The following PTGES variants were observed in gnomAD, a reference collection of about 807,000 sequenced individuals.
PTGES encodes the protein prostaglandin E synthase, also known as MGST1-like 1.
PTGES carries 3 observed loss-of-function variants against 11.8 expected under a neutral mutation model. That is an observed-to-expected ratio of 0.25 (90% confidence interval 0.12 to 0.66). The LOEUF (loss-of-function observed/expected upper bound fraction) is 0.66, where lower values mean the gene tolerates loss of function less well. Ranked by LOEUF, PTGES falls within the 30% of genes least tolerant of loss-of-function variation. The probability of loss-of-function intolerance (pLI) is 0.82; values close to 1 mark genes in which losing one functional copy is unlikely to be tolerated. For synonymous variants in PTGES, 94 were observed against 90.4 expected (o/e 1.04, Z -0.22); for missense variants, 180 against 213.0 (o/e 0.85, Z 0.96).
At position 129,739,954 on chromosome 9, in the gene PTGES, C is replaced by T; in HGVS notation, c.210-94G>A. ...CATGGAAGCTGGGGGTGCTTTGACC[C>T]ACTGGGGGTCATTTCAGGCATATCA... On this transcript the variant is annotated intron_variant, in intron 2 of 2. Transcript: ENST00000340607. This position sits in a 1 kb window ranked among gnomAD's most constrained non-coding sequence, Gnocchi z 5.7. 1.4e-6 allele frequency: 2 copies of T among 1,419,902 alleles called. No individual in the cohort carries two copies. The highest frequency in any genetic ancestry group is 1.4e-5 in the African/African-American group (1 of 69,544). The allele number at this position is 1,419,902 out of a possible 1,614,324, so 88.0% of individuals were successfully genotyped here. A position where few individuals can be genotyped will look rare whatever the true frequency, so the allele number is the denominator to read the frequency against.
Position 129,748,678 on chromosome 9 carries a change from G to T in PTGES, c.186C>A (p.Asp62Glu). The T allele has an allele frequency of 1.9e-6, 3 of 1,581,068 alleles. No individual in the cohort carries two copies. The highest frequency in any genetic ancestry group is 1.7e-6 in the Non-Finnish European group (2 of 1,168,114). ...RHGGPQYCRSDPDVERCLRAH... is the reference protein window; with the variant it reads ...RHGGPQYCRSEPDVERCLRAH... ...GCCTGAGGCAGCGTTCCACGTCGGG[G>T]TCGCTCCTGCAATACTGGGGGCCTC... The change falls in exon 2 of 3, where the codon GAC (aspartate) becomes GAA (glutamate). Residue 62 changes from aspartate (D) to glutamate (E), a missense_variant. Physicochemically the swap from Asp to Glu is conservative, Grantham distance 45. Coordinates refer to ENST00000340607, the MANE Select transcript of PTGES (RefSeq NM_004878.5).
At chr9:129,744,571 CAA>C (rs60799589) in intron 2 of PTGES, among the ~76,000 whole-genome samples, 4,264 of 50,246 alleles carry the variant, frequency 0.085, 29 homozygotes, top group Non-Finnish European at 0.1. Flanking sequence ...GACCCTGTCA[CAA>C]AAAAAAAAAA....
intron 2 of PTGES, among the ~76,000 whole-genome samples, chr9:129,742,621 G>A (rs1833008134): frequency 6.6e-6 from 1 of 152,114 alleles, no homozygotes; most frequent in Non-Finnish European, 1.5e-5. Flanking sequence ...TATTTTAAGA[G>A]TAAGTCCTTT....
At chr9:129,748,097 T>C (rs1833065560) in intron 2 of PTGES, among the ~76,000 whole-genome samples, 2 of 143,380 alleles carry the variant, frequency 1.4e-5, no homozygotes, top group African/African-American at 2.6e-5. Flanking sequence ...CGCAGGGGAA[T>C]TGGTTAGGGA....
rs1157823355 is a variant in PTGES, at chr9:129,739,476, C to A, written c.*135G>T. 7.9e-6 allele frequency: 10 copies of A among 1,268,444 alleles called. No individual in the cohort carries two copies. The highest frequency in any genetic ancestry group is 8.5e-6 in the Non-Finnish European group (8 of 941,038). 78.6% of individuals were successfully genotyped at this position (1,268,444 alleles called of 1,614,324 possible). The stretch of plus-strand genomic sequence containing the variant: ...CACACAGGCCCACTGTGCCCAGAGA[C>A]CCACACGCGCAGCAGGCTGCCAGGA... On this transcript the variant is annotated 3_prime_UTR_variant, in exon 3 of 3. Transcript: ENST00000340607. This position sits in a 1 kb window ranked among gnomAD's most constrained non-coding sequence, Gnocchi z 5.7.
At chr9:129,742,981 G>A (rs1159929653) in intron 2 of PTGES, among the ~76,000 whole-genome samples, 1 of 152,214 alleles carries the variant, frequency 6.6e-6, no homozygotes, top group African/African-American at 2.4e-5. Flanking sequence ...GAAAGAAGTT[G>A]GGGAACACAG....
chr9:129,742,291 C>T (rs560127471), intron 2 of PTGES, among the ~76,000 whole-genome samples: 27 of 147,818 alleles, frequency 1.8e-4, no homozygotes, highest in South Asian at 4.3e-4. Context: ...TGTCACTTCA[C>T]TCCAGCCTGG....
chr9:129,739,812 G>T lies in PTGES; in HGVS notation c.258C>A (p.Gly86=). 1 of 1,571,400 alleles carries T rather than the reference G, an allele frequency of 6.4e-7. No individual in the cohort carries two copies. The highest frequency in any genetic ancestry group is 8.6e-7 in the Non-Finnish European group (1 of 1,157,892). Residue 86 remains glycine, a synonymous_variant, in exon 3 of 3, where the codon GGC becomes GGA. Coordinates refer to ENST00000340607, the MANE Select transcript of PTGES (RefSeq NM_004878.5). This position sits in a 1 kb window ranked among gnomAD's most constrained non-coding sequence, Gnocchi z 5.7. ...METIYPFLFL[G]FVYSFLGPNP... ...TAGGACCCAGAAAGGAGTAGACGAA[G>T]CCCAGGAAAAGGAAGGGGTAGATGG...
intron 2 of PTGES, among the ~76,000 whole-genome samples, chr9:129,740,427 C>T (rs1832984124): frequency 2.6e-5 from 4 of 152,168 alleles, no homozygotes; most frequent in Non-Finnish European, 5.9e-5. Flanking sequence ...GAAATGAATG[C>T]CGGGCTCTGT....
chr9:129,743,446 A>C (rs1228777971), intron 2 of PTGES, among the ~76,000 whole-genome samples: 2 of 152,170 alleles, frequency 1.3e-5, no homozygotes, highest in East Asian at 3.9e-4. Context: ...CCCAAAGCAA[A>C]TTCCTACTAG....
At chr9:129,752,407 C>G (rs1312380863) in intron 1 of PTGES, among the ~76,000 whole-genome samples, 1 of 152,218 alleles carries the variant, frequency 6.6e-6, no homozygotes, top group Non-Finnish European at 1.5e-5. Context: ...CCCGACGGTG[C>G]CCGGCTGGGA....
rs994881101 is a variant in PTGES, at chr9:129,745,867, T to C, written c.209+2788A>G. On this transcript the variant is annotated intron_variant, in intron 2 of 2. Transcript: ENST00000340607. The surrounding 1 kb of genome is among the most constrained non-coding windows in gnomAD (Gnocchi z 4.2). ...CAACATGGTGAAACTCTGTCTCTAC[T>C]AAAAAAAAAATACAAAAATTAGCTG... Among the ~76,000 whole-genome samples the C allele has an allele frequency of 6.8e-6, 1 of 148,116 alleles. No homozygotes were observed. The highest frequency in any genetic ancestry group is 2.0e-4 in the East Asian group (1 of 5,106).
At position 129,747,574 on chromosome 9, in the gene PTGES, A is replaced by C. The variant is rs540770015; in HGVS notation, c.209+1081T>G. On this transcript the variant is annotated intron_variant, in intron 2 of 2. Transcript: ENST00000340607. ...ATAAATTTTCACCTATCACCTTGGT[A>C]GGAATCCACCCAAATATGCCAATAC... Among the ~76,000 whole-genome samples, 4 of 152,350 alleles carry C rather than the reference A, an allele frequency of 2.6e-5. No homozygotes were observed. The South Asian group carries it at 8.3e-4, about 32-fold the overall frequency.
chr9:129,748,834 C>A, intron 1 of PTGES, 97 bp from the exon 2 acceptor site: 1 of 1,021,954 alleles, frequency 9.8e-7, no homozygotes, highest in Non-Finnish European at 1.4e-6. Context: ...AGTGGCAGGA[C>A]AGAGGTGCAG....
At chr9:129,744,156 G>C (rs1833027587) in intron 2 of PTGES, among the ~76,000 whole-genome samples, 1 of 152,114 alleles carries the variant, frequency 6.6e-6, no homozygotes, top group East Asian at 1.9e-4. Context: ...ACTGAGTAGG[G>C]AGATTTTAAG....
chr9:129,740,265 G>C (rs1266440207), intron 2 of PTGES, among the ~76,000 whole-genome samples: 1 of 152,156 alleles, frequency 6.6e-6, no homozygotes. Context: ...GAGTGGAGGA[G>C]CTGGGATTGG....
At position 129,739,513 on chromosome 9, in the gene PTGES, A is replaced by G; in HGVS notation, c.*98T>C. On this transcript the variant is annotated 3_prime_UTR_variant, in exon 3 of 3. Coordinates refer to ENST00000340607, the MANE Select transcript of PTGES (RefSeq NM_004878.5). This position sits in a 1 kb window ranked among gnomAD's most constrained non-coding sequence, Gnocchi z 5.7. ...GCAGGCTGCCAGGAAACCAGGACTC[A>G]GGGCCCACCACAATCTGGAAGGAAC... is the stretch of plus-strand genomic sequence containing the variant. 6.8e-7 allele frequency: 1 copy of G among 1,460,620 alleles called. No homozygotes were observed. The highest frequency in any genetic ancestry group is 9.1e-7 in the Non-Finnish European group (1 of 1,103,480). 90.5% of individuals were successfully genotyped at this position (1,460,620 alleles called of 1,614,324 possible).
At chr9:129,749,776 G>T (rs900450342) in intron 1 of PTGES, 1 of 152,550 alleles carries the variant, frequency 6.6e-6, no homozygotes, top group African/African-American at 2.4e-5. Context: ...GAGGCTGGAA[G>T]AAGCTGGGCA....
rs935867709 is a variant in PTGES, at chr9:129,746,788, C to T, written c.209+1867G>A. ...ACCCCAACCCCTGGAGTGCCATCGC[C>T]TCACTCTCCAGCTAACTGGTAAAAG... On this transcript the variant is annotated intron_variant, in intron 2 of 2. Coordinates refer to ENST00000340607, the MANE Select transcript of PTGES (RefSeq NM_004878.5). Among the ~76,000 whole-genome samples the T allele has an allele frequency of 6.6e-5, 10 of 152,234 alleles. No homozygotes were observed. The East Asian group carries it at 1.7e-3, about 26-fold the overall frequency.
Sources: gnomAD v4.1 joint callset for allele counts (sites outside exome capture counted in the v4.1 genomes callset) on GRCh38, gnomAD v4.1.1 for gene constraint, Gnocchi (gnomAD v3.1) non-coding constraint, MANE v1.5 for transcripts, NCBI Gene and HGNC (gene_info 2026-07-23, HGNC 2026-07-21) for gene names.